ARK2C: variants seen among roughly 807,000 people sequenced by gnomAD.
ARK2C encodes the protein arkadia (RNF111) C-terminal like ring finger ubiquitin ligase 2C.
At chr18:46,378,236 C>T in the ARK2C span, among the ~76,000 whole-genome samples, 1 of 152,150 alleles carries the variant, frequency 6.6e-6, no homozygotes, top group Non-Finnish European at 1.5e-5. Context: ...AGACAAGGAC[C>T]CTGCACATGC....
the ARK2C span, among the ~76,000 whole-genome samples, chr18:46,348,250 A>C: frequency 6.7e-6 from 1 of 150,202 alleles, no homozygotes; most frequent in Admixed American, 6.6e-5. Context: ...AGGGGAGGGG[A>C]AGGGCAGGCT....
chr18:46,374,161 C>T, the ARK2C span, among the ~76,000 whole-genome samples: 11 of 152,274 alleles, frequency 7.2e-5, no homozygotes, highest in Admixed American at 2.0e-4. Context: ...GCAGCTTGAA[C>T]GAGTCCGAGA....
the ARK2C span, among the ~76,000 whole-genome samples, chr18:46,401,715 C>T: frequency 1.2e-4 from 19 of 152,210 alleles, no homozygotes; most frequent in African/African-American, 4.1e-4. Flanking sequence ...AAGTCAGCCC[C>T]GTGAGGTTCA....
chr18:46,404,844 T>C, the ARK2C span, among the ~76,000 whole-genome samples: 1 of 151,362 alleles, frequency 6.6e-6, no homozygotes, highest in African/African-American at 2.4e-5. Context: ...CTCAATGAAG[T>C]AGGGATTATT....
At chr18:46,372,971 G>A in the ARK2C span, among the ~76,000 whole-genome samples, 2 of 152,232 alleles carry the variant, frequency 1.3e-5, no homozygotes, top group African/African-American at 2.4e-5. Context: ...CACTCAGGGA[G>A]GGGGACCCTC....
the ARK2C span, among the ~76,000 whole-genome samples, chr18:46,434,223 C>T: frequency 6.6e-6 from 1 of 152,120 alleles, no homozygotes; most frequent in Non-Finnish European, 1.5e-5. Flanking sequence ...GACTCTTTTC[C>T]ACTCTTACAA....
At chr18:46,383,132 C>T in the ARK2C span, among the ~76,000 whole-genome samples, 1 of 152,346 alleles carries the variant, frequency 6.6e-6, no homozygotes, top group Non-Finnish European at 1.5e-5. Context: ...GGGGTAGGTG[C>T]TGGTTGGGTC....
At chr18:46,456,558 G>A in the ARK2C span, 1 of 1,614,100 alleles carries the variant, frequency 6.2e-7, no homozygotes, top group Admixed American at 1.7e-5. Flanking sequence ...AACTGTGCGT[G>A]GACCAGTGGC....
the ARK2C span, among the ~76,000 whole-genome samples, chr18:46,381,126 C>T: frequency 6.6e-6 from 1 of 152,236 alleles, no homozygotes; most frequent in Non-Finnish European, 1.5e-5. Context: ...CTGCCCTCCC[C>T]ATGGAGTGAG....
chr18:46,367,402 AT>A, the ARK2C span, among the ~76,000 whole-genome samples: 3 of 152,136 alleles, frequency 2.0e-5, no homozygotes, highest in Admixed American at 6.6e-5. Context: ...GTAGGAAACA[AT>A]TTGTCCATAG....
the ARK2C span, among the ~76,000 whole-genome samples, chr18:46,377,560 T>G: frequency 1.2e-3 from 176 of 152,080 alleles, no homozygotes; most frequent in African/African-American, 3.9e-3. Context: ...AGAGCAGTAT[T>G]TTGTTAGATG....
chr18:46,336,922 C>T, the ARK2C span: 5 of 985,266 alleles, frequency 5.1e-6, no homozygotes, highest in African/African-American at 1.7e-5. Flanking sequence ...GCTGCTATCC[C>T]ATAGCCTCTG....
chr18:46,402,957 T>C, the ARK2C span, among the ~76,000 whole-genome samples: 9 of 152,228 alleles, frequency 5.9e-5, no homozygotes, highest in Admixed American at 5.9e-4. Flanking sequence ...GTTTAATTAA[T>C]GATGCTATGA....
the ARK2C span, among the ~76,000 whole-genome samples, chr18:46,383,656 G>A: frequency 4.1e-5 from 6 of 146,656 alleles, no homozygotes; most frequent in Admixed American, 2.1e-4. Flanking sequence ...CAGGGTTCAT[G>A]CCATTCTCCT....
At chr18:46,367,047 C>A in the ARK2C span, among the ~76,000 whole-genome samples, 1 of 152,172 alleles carries the variant, frequency 6.6e-6, no homozygotes, top group African/African-American at 2.4e-5. Flanking sequence ...AGCAAAATAA[C>A]GCTATGGACC....
the ARK2C span, among the ~76,000 whole-genome samples, chr18:46,384,645 G>A: frequency 6.6e-6 from 1 of 152,068 alleles, no homozygotes; most frequent in Non-Finnish European, 1.5e-5. Flanking sequence ...AACAGAGAGG[G>A]GACTCATTCC....
At chr18:46,356,339 G>A in the ARK2C span, among the ~76,000 whole-genome samples, 2 of 152,172 alleles carry the variant, frequency 1.3e-5, no homozygotes, top group African/African-American at 4.8e-5. Context: ...CCAATAGGTA[G>A]CACATCAGAG....
the ARK2C span, among the ~76,000 whole-genome samples, chr18:46,373,020 G>A: frequency 1.3e-5 from 2 of 152,246 alleles, no homozygotes; most frequent in African/African-American, 4.8e-5. Flanking sequence ...CTGTGCATGT[G>A]CGAGTGTGTG....
chr18:46,456,276 G>A, the ARK2C span, among the ~76,000 whole-genome samples: 1 of 152,200 alleles, frequency 6.6e-6, no homozygotes, highest in South Asian at 2.1e-4. Flanking sequence ...GGGTACGGAC[G>A]CGAGGATGAA....
Sources: gnomAD v4.1 joint callset for allele counts (sites outside exome capture counted in the v4.1 genomes callset) on GRCh38, gnomAD v4.1.1 for gene constraint, MANE v1.5 for transcripts, NCBI Gene and HGNC (gene_info 2026-07-23, HGNC 2026-07-21) for gene names.